PKIB: variants seen among roughly 807,000 people sequenced by gnomAD.
PKIB encodes cAMP-dependent protein kinase inhibitor beta.
PKIB carries 2 observed loss-of-function variants against 4.5 expected under a neutral mutation model. The observed-to-expected ratio is 0.44, with a 90% CI of 0.18 to 1.39. The LOEUF is 1.39. Among genes scored for constraint, PKIB ranks in the 40% most tolerant of loss-of-function variants. The probability of loss-of-function intolerance (pLI) is 0.27; values close to 1 mark genes in which losing one functional copy is unlikely to be tolerated. For synonymous variants in PKIB, 38 were observed against 36.0 expected (o/e 1.06, Z -0.20); for missense variants, 94 against 92.6 (o/e 1.02, Z -0.06).
At position 122,717,973 on chromosome 6, in the gene PKIB, A is replaced by C. The variant is rs192705881; in HGVS notation, c.169+10A>C. Reference sequence around the variant, plus strand: ...CTCTCCGTGAAGGAAGGTAATACTCAAAATCCTCTTACAATTAACAGCACT... The same window carrying C: ...CTCTCCGTGAAGGAAGGTAATACTCCAAATCCTCTTACAATTAACAGCACT... On this transcript the variant is annotated intron_variant, in intron 4 of 4. Coordinates refer to ENST00000368452, the MANE Select transcript of PKIB (RefSeq NM_181795.3). The C allele has an allele frequency of 1.8e-5, 29 of 1,608,332 alleles. No homozygotes were observed. The East Asian group carries it at 6.0e-4, about 34-fold the overall frequency.
chr6:122,660,586 C>T (rs1776947225), intron 2 of PKIB, among the ~76,000 whole-genome samples: 1 of 152,100 alleles, frequency 6.6e-6, no homozygotes, highest in Admixed American at 6.5e-5. Flanking sequence ...GCATGGATAT[C>T]TTGGAATTAA....
At chr6:122,500,665 A>G (rs187193258) in intron 2 of PKIB, among the ~76,000 whole-genome samples, 1 of 152,302 alleles carries the variant, frequency 6.6e-6, no homozygotes, top group East Asian at 1.9e-4. Flanking sequence ...ATTTTCTTAG[A>G]TATGGAGAAA....
chr6:122,618,234 T>C (rs1332255797), intron 1 of PKIB, among the ~76,000 whole-genome samples: 1 of 152,158 alleles, frequency 6.6e-6, no homozygotes, highest in Non-Finnish European at 1.5e-5. Context: ...TTAGCAGTAT[T>C]TGAAAGTAGA....
intron 3 of PKIB, among the ~76,000 whole-genome samples, chr6:122,684,237 C>CAA (rs763316996): frequency 9.2e-5 from 14 of 152,040 alleles, no homozygotes; most frequent in Non-Finnish European, 1.8e-4. Flanking sequence ...TTCAGTAAAC[C>CAA]AAAATGAGTA....
chr6:122,560,749 T>C (rs1326256566), intron 2 of PKIB, among the ~76,000 whole-genome samples: 3 of 152,126 alleles, frequency 2.0e-5, no homozygotes, highest in Non-Finnish European at 4.4e-5. Flanking sequence ...GGGTATCTAA[T>C]TCGTCCTGAT....
intron 3 of PKIB, among the ~76,000 whole-genome samples, chr6:122,714,376 C>T (rs1198402335): frequency 6.6e-6 from 1 of 152,128 alleles, no homozygotes; most frequent in Non-Finnish European, 1.5e-5. Flanking sequence ...CCCTATATGG[C>T]CACTTCTGTT....
chr6:122,546,405 G>A (rs1045657655), intron 2 of PKIB, among the ~76,000 whole-genome samples: 1 of 151,776 alleles, frequency 6.6e-6, no homozygotes, highest in Non-Finnish European at 1.5e-5. Context: ...GGGCAGGTTG[G>A]GGGGTGGAGG....
chr6:122,505,274 G>A (rs1409557700), intron 2 of PKIB, among the ~76,000 whole-genome samples: 2 of 152,016 alleles, frequency 1.3e-5, no homozygotes, highest in Admixed American at 6.5e-5. Flanking sequence ...CTCTGAGCAT[G>A]GGAACATGAT....
At chr6:122,657,388 T>C (rs941024954) in intron 2 of PKIB, among the ~76,000 whole-genome samples, 2 of 152,216 alleles carry the variant, frequency 1.3e-5, no homozygotes, top group African/African-American at 4.8e-5. Flanking sequence ...TTGCAATAGA[T>C]GTTAGTGATC....
At chr6:122,588,730 TA>T (rs1460422048) in intron 3 of PKIB, among the ~76,000 whole-genome samples, 1 of 152,200 alleles carries the variant, frequency 6.6e-6, no homozygotes, top group Non-Finnish European at 1.5e-5. Flanking sequence ...TGTAGACTCT[TA>T]TATATGCCTT....
chr6:122,667,154 G>A (rs1777252698), intron 2 of PKIB, among the ~76,000 whole-genome samples: 1 of 152,178 alleles, frequency 6.6e-6, no homozygotes, highest in Admixed American at 6.5e-5. Context: ...GTCTATGTAT[G>A]TAACAATACT....
Position 122,683,565 on chromosome 6 carries a change from G to A in PKIB, c.-9+8421G>A, listed in dbSNP as rs1023320889. Among the ~76,000 whole-genome samples the A allele has an allele frequency of 2.6e-5, 4 of 152,142 alleles. No homozygotes were observed. The East Asian group carries it at 7.7e-4, about 29-fold the overall frequency. On this transcript the variant is annotated intron_variant, in intron 3 of 4. Coordinates refer to ENST00000368452, the MANE Select transcript of PKIB (RefSeq NM_181795.3). ...TATCCAAATTACATCAGACGTCAAT[G>A]AGTACAACTTTGAAATCACATCAAT... is the stretch of plus-strand genomic sequence containing the variant.
chr6:122,629,770 C>A (rs974457871), intron 1 of PKIB, among the ~76,000 whole-genome samples: 1 of 152,092 alleles, frequency 6.6e-6, no homozygotes, highest in Non-Finnish European at 1.5e-5. Context: ...AGAAAAACAC[C>A]AGGCAAATCC....
chr6:122,624,386 G>T (rs1775352567), intron 1 of PKIB, among the ~76,000 whole-genome samples: 1 of 151,996 alleles, frequency 6.6e-6, no homozygotes, highest in Non-Finnish European at 1.5e-5. Flanking sequence ...ATAAATTCAG[G>T]GGGCATATTA....
intron 2 of PKIB, among the ~76,000 whole-genome samples, chr6:122,662,401 C>T (rs1302408958): frequency 2.1e-5 from 3 of 140,720 alleles, no homozygotes; most frequent in Non-Finnish European, 4.6e-5. Context: ...CTGCAACCTC[C>T]GCCTCCCGGG....
intron 2 of PKIB, among the ~76,000 whole-genome samples, chr6:122,542,337 A>T (rs1777631180): frequency 6.6e-6 from 1 of 151,918 alleles, no homozygotes; most frequent in South Asian, 2.1e-4. Flanking sequence ...GTCTTTGATG[A>T]TGGTGACACA....
At chr6:122,695,331 T>C (rs185745302) in intron 3 of PKIB, among the ~76,000 whole-genome samples, 2 of 152,190 alleles carry the variant, frequency 1.3e-5, no homozygotes, top group African/African-American at 4.8e-5. Flanking sequence ...GAAAGAATTT[T>C]ATGACACCTA....
At chr6:122,514,360 G>C (rs1351553240) in intron 2 of PKIB, among the ~76,000 whole-genome samples, 1 of 152,138 alleles carries the variant, frequency 6.6e-6, no homozygotes, top group Non-Finnish European at 1.5e-5. Context: ...CAGGTTCCTG[G>C]CATTTTAGCA....
chr6:122,723,432 AT>A (rs1779818764), intron 4 of PKIB, among the ~76,000 whole-genome samples: 1 of 152,150 alleles, frequency 6.6e-6, no homozygotes, highest in Admixed American at 6.6e-5. Flanking sequence ...AGTTAACAAA[AT>A]TATTGCCAAA....
Sources: allele counts gnomAD v4.1 joint callset (sites outside exome capture counted in the v4.1 genomes callset), GRCh38; gene constraint gnomAD v4.1.1; transcripts MANE v1.5; gene names NCBI Gene and HGNC (gene_info 2026-07-23, HGNC 2026-07-21).